The following ZNF519 variants were observed in gnomAD, a reference collection of about 807,000 sequenced individuals.
ZNF519 encodes zinc finger protein 519, also known as similar to Zinc finger protein 85 (Zinc finger protein HPF4) (HTF1).
Under a neutral mutation model 7.4 loss-of-function variants are expected in ZNF519, and 7 were observed. That is an observed-to-expected ratio of 0.94 (90% CI 0.54 to 1.77). The LOEUF is 1.77. Ranked by LOEUF, ZNF519 falls within the 40% of genes most tolerant of loss-of-function variation. The pLI, the probability that ZNF519 is intolerant of heterozygous loss-of-function variation, is 0.00. For synonymous variants in ZNF519, 179 were observed against 203.3 expected, an observed-to-expected ratio of 0.88 and a Z score of 1.02; for missense variants, 586 against 623.1, an observed-to-expected ratio of 0.94 and a Z score of 0.63.
intron 1 of ZNF519, 115 bp downstream of exon 1, chr18:14,132,160 G>T: frequency 8.1e-7 from 1 of 1,239,554 alleles, no homozygotes; most frequent in Non-Finnish European, 1.2e-6. Context: ...CACCGGAGGG[G>T]ACTGAGGGCT....
At chr18:14,115,424 A>G (rs895757745) in intron 2 of ZNF519, among the ~76,000 whole-genome samples, 2 of 152,204 alleles carry the variant, frequency 1.3e-5, no homozygotes, top group Non-Finnish European at 2.9e-5. Context: ...ATCAGAACTA[A>G]AGAGACCACA....
At position 14,100,350 on chromosome 18, in the gene ZNF519, T is replaced by C. The variant is rs1311741666; in HGVS notation, c.*4567A>G. The C allele has an allele frequency of 6.6e-6, 1 of 152,198 alleles. No homozygotes were observed. The highest frequency in any genetic ancestry group is 1.9e-4 in the East Asian group (1 of 5,200). The allele number at this position is 152,198 out of a possible 1,614,324, so 9.4% of individuals were successfully genotyped here. ...AGAGTAATGAAAACATGTATTCATA[T>C]GAAACCTAGTACATGAATGTACATA... On this transcript the variant is annotated 3_prime_UTR_variant, in exon 3 of 3. Coordinates refer to ENST00000590202, the MANE Select transcript of ZNF519 (RefSeq NM_145287.4).
chr18:14,125,590 G>A (rs1352816220), intron 1 of ZNF519, among the ~76,000 whole-genome samples: 1 of 152,166 alleles, frequency 6.6e-6, no homozygotes. Context: ...CTGCAATTCA[G>A]TGTTTGTATT....
At chr18:14,095,199 T>C (rs1222092075), downstream of ZNF519, among the ~76,000 whole-genome samples, 1 of 152,028 alleles carries the variant, frequency 6.6e-6, no homozygotes, top group Admixed American at 6.6e-5. Context: ...CCTAAAGGGG[T>C]CCATTTGGTT....
At chr18:14,122,818 T>C (rs973497643) in intron 2 of ZNF519, among the ~76,000 whole-genome samples, 29 of 152,036 alleles carry the variant, frequency 1.9e-4, no homozygotes, top group African/African-American at 6.8e-4. Context: ...CTAGGGTGCA[T>C]GTGCACAACA....
rs969704552 is a variant in ZNF519, at chr18:14,083,443, G to C, written c.*177+1434C>G. Among the ~76,000 whole-genome samples, 24 of 152,280 alleles carry C rather than the reference G, an allele frequency of 1.6e-4. 1 individual carries two copies. Among genetic ancestry groups the C allele is most frequent in the Admixed American group, 1.3e-3 (20 of 15,296 alleles). ...CACTCCATGAACAAGGTTTCCACGG[G>C]ATGGATATTCTGTCAATGATTTAAA... On this transcript the variant is annotated intron_variant and NMD_transcript_variant, in intron 3 of 4. Coordinates refer to the ZNF519 transcript ENST00000587419.
chr18:14,077,621 T>C (rs2046052776), intron 4 of ZNF519: 1 of 152,216 alleles, frequency 6.6e-6, no homozygotes, highest in Non-Finnish European at 1.5e-5. Context: ...TACAACTTTC[T>C]AGTGAGTGCC....
intron 2 of ZNF519, chr18:14,122,982 A>G (rs1166108074): frequency 8.0e-6 from 1 of 125,566 alleles, no homozygotes; most frequent in South Asian, 2.5e-4. Flanking sequence ...TCCTGTGTCC[A>G]TGTGTTCTCA....
At position 14,105,486 on chromosome 18, in the gene ZNF519, C is replaced by T. The variant is rs2143126808; in HGVS notation, c.1054G>A (p.Glu352Lys). The T allele has an allele frequency of 6.2e-7, 1 of 1,613,894 alleles. No individual in the cohort carries two copies. The highest frequency in any genetic ancestry group is 1.3e-5 in the African/African-American group (1 of 74,964). Residue 352 changes from glutamate to lysine, a missense_variant, in exon 3 of 3, where the codon GAA (glutamate) becomes AAA (lysine). By Grantham distance (56) the Glu-to-Lys change is moderately conservative. Transcript: ENST00000590202. ...HTGERAFKCE[E>K]CGKAFNRGSY... ...CCCCTGTTAAAGGCTTTGCCACATT[C>T]TTCACATTTGAAAGCTCTCTCTCCA...
chr18:14,096,572 G>A (rs1327894175), downstream of ZNF519, among the ~76,000 whole-genome samples: 6 of 152,054 alleles, frequency 3.9e-5, no homozygotes, highest in Non-Finnish European at 7.4e-5. Context: ...CTGGAGTAGA[G>A]TGGCATGGTC....
chr18:14,106,519 A>G, intron 2 of ZNF519, 110 bp from the exon 3 acceptor site: 2 of 905,276 alleles, frequency 2.2e-6, no homozygotes, highest in Non-Finnish European at 1.6e-6. Context: ...ACAATGCCAT[A>G]GTAGAAAACC....
intron 3 of ZNF519, among the ~76,000 whole-genome samples, chr18:14,080,542 G>A (rs946621927): frequency 2.0e-5 from 3 of 151,928 alleles, no homozygotes; most frequent in Non-Finnish European, 4.4e-5. Context: ...GGATGGTCTC[G>A]ATCTCTTGAC....
chr18:14,118,090 GCT>G (rs368150363), intron 2 of ZNF519, among the ~76,000 whole-genome samples: 1 of 152,040 alleles, frequency 6.6e-6, no homozygotes, highest in African/African-American at 2.4e-5. Context: ...ACAGAGTCTC[GCT>G]CTGTCGTCCA....
chr18:14,092,722 A>G (rs1346934386), intron 2 of ZNF519, among the ~76,000 whole-genome samples: 1 of 152,024 alleles, frequency 6.6e-6, no homozygotes, highest in African/African-American at 2.4e-5. Flanking sequence ...CCATGCATAT[A>G]TATGTACATC....
intron 2 of ZNF519, among the ~76,000 whole-genome samples, chr18:14,122,947 AGGCCCC>A (rs564670012): frequency 1.0e-4 from 11 of 109,666 alleles, no homozygotes; most frequent in Non-Finnish European, 1.6e-4. Context: ...ACCCCACGAC[AGGCCCC>A]GGTGTGTGAT....
chr18:14,101,922 C>A lies in ZNF519; in HGVS notation c.*2995G>T. The A allele has an allele frequency of 5.1e-6, 2 of 394,536 alleles. No homozygotes were observed. The highest frequency in any genetic ancestry group is 8.9e-6 in the Non-Finnish European group (2 of 224,206). 24.4% of individuals were successfully genotyped at this position (394,536 alleles called of 1,614,324 possible). ...TGCCCTCTACTTTTTCTCCTAAATG[C>A]ATGAAAGGCAGAGCTTTTCAACATG... On this transcript the variant is annotated 3_prime_UTR_variant, in exon 3 of 3. Coordinates refer to ENST00000590202, the MANE Select transcript of ZNF519 (RefSeq NM_145287.4).
chr18:14,086,063 C>T (rs781086485), intron 2 of ZNF519, among the ~76,000 whole-genome samples: 10 of 152,212 alleles, frequency 6.6e-5, no homozygotes, highest in Non-Finnish European at 1.5e-4. Context: ...CCTCACCATC[C>T]CTCTCTAAAC....
chr18:14,105,678 C>T lies in ZNF519; in HGVS notation c.862G>A (p.Gly288Arg), dbSNP rs1355328430. ...LHLGHQKIHTGEKPYKCKKCD... is the reference protein window; with the variant it reads ...LHLGHQKIHTREKPYKCKKCD... ...TTTTTACATTTGTAAGGTTTCTCTC[C>T]AGTATGAATTTTCTGATGTCCAAGA... The change falls in exon 3 of 3, where the codon GGA becomes AGA. Residue 288 changes from glycine to arginine, a missense_variant. Coordinates refer to ENST00000590202, the MANE Select transcript of ZNF519 (RefSeq NM_145287.4). 12 of 1,613,444 alleles carry T rather than the reference C, an allele frequency of 7.4e-6. No individual in the cohort carries two copies. The highest frequency in any genetic ancestry group is 9.3e-6 in the Non-Finnish European group (11 of 1,179,926).
chr18:14,116,596 T>A (rs1414634180), intron 2 of ZNF519, among the ~76,000 whole-genome samples: 3 of 152,232 alleles, frequency 2.0e-5, no homozygotes, highest in Non-Finnish European at 4.4e-5. Context: ...GTTGGAAAAC[T>A]CTATATCCAC....
Sources: gnomAD v4.1 joint callset for allele counts (sites outside exome capture counted in the v4.1 genomes callset) on GRCh38, gnomAD v4.1.1 for gene constraint, MANE v1.5 for transcripts, NCBI Gene and HGNC (gene_info 2026-07-23, HGNC 2026-07-21) for gene names.